RP1L1: variants seen among roughly 807,000 people sequenced by gnomAD.
The protein encoded by RP1L1 is RP1 like 1, also known as retinitis pigmentosa 1-like 1 protein.
Under a neutral mutation model 15.7 loss-of-function variants are expected in RP1L1, and 27 were observed. The ratio of observed to expected loss-of-function variants is 1.72; its 90% confidence interval spans 1.27 to 2.38. The LOEUF (loss-of-function observed/expected upper bound fraction) is 2.38. Among genes scored for constraint, RP1L1 ranks in the 30% most tolerant of loss-of-function variants. The probability of loss-of-function intolerance (pLI) is 0.00; values close to 1 mark genes in which losing one functional copy is unlikely to be tolerated. For missense variants in RP1L1, 4,798 were observed against 3,075.9 expected (o/e 1.56, Z -13.24); for synonymous variants, 1,813 against 1,276.7 (o/e 1.42, Z -8.96).
Position 10,606,803 on chromosome 8 carries a change from T to C in RP1L1, c.*92A>G, listed in dbSNP as rs993260517. 6.3e-7 allele frequency: 1 copy of C among 1,593,036 alleles called. No individual in the cohort carries two copies. The highest frequency in any genetic ancestry group is 2.2e-4 in the Middle Eastern group (1 of 4,574). On this transcript the variant is annotated 3_prime_UTR_variant, in exon 4 of 4. Coordinates refer to ENST00000382483, the MANE Select transcript of RP1L1 (RefSeq NM_178857.6). ...TCTTTGTCCATGTACTATGGACATC[T>C]CCAGTGGACTGAACGTTGCTCAGTT...
chr8:10,640,874 G>C (rs1005919091), intron 1 of RP1L1, among the ~76,000 whole-genome samples: 1 of 152,032 alleles, frequency 6.6e-6, no homozygotes, highest in African/African-American at 2.4e-5. Context: ...AGGCTGAAGC[G>C]ATCCTCTCAC....
chr8:10,640,813 C>T (rs1168368017), intron 1 of RP1L1, among the ~76,000 whole-genome samples: 1 of 151,970 alleles, frequency 6.6e-6, no homozygotes, highest in Non-Finnish European at 1.5e-5. Flanking sequence ...GTCTGTCGCC[C>T]AAGCTGGAGT....
chr8:10,613,600 C>CAAAAAAAAAA (rs71203341), intron 3 of RP1L1, among the ~76,000 whole-genome samples: 3 of 62,376 alleles, frequency 4.8e-5, no homozygotes, highest in African/African-American at 7.5e-5. Flanking sequence ...ACCATCTCTC[C>CAAAAAAAAAA]AAAAAAAAAA....
rs141128719 is a variant in RP1L1, at chr8:10,608,814, C to A, written c.5284G>T (p.Glu1762Ter). ...TGAGCCATTGCATCTCCCTCTGCCT[C>A]CCCGAGTTTGGGATCTTTGTCTCTG... ...LNRDKDPKLG[E>*]AEGDAMAQER... The change falls in exon 4 of 4, where the codon GAG (glutamate) becomes TAG (stop). Residue 1762 changes from glutamate (E) to a stop codon, truncating the protein, a stop_gained. Coordinates refer to ENST00000382483, the MANE Select transcript of RP1L1 (RefSeq NM_178857.6). LOFTEE classifies it low-confidence loss of function (END_TRUNC). 4 of 1,614,178 alleles carry A rather than the reference C, an allele frequency of 2.5e-6. No individual in the cohort carries two copies. In the South Asian group the frequency reaches 4.4e-5, roughly 18 times the overall value.
At chr8:10,637,793 G>A (rs1053800140) in intron 1 of RP1L1, among the ~76,000 whole-genome samples, 1 of 152,182 alleles carries the variant, frequency 6.6e-6, no homozygotes, top group Non-Finnish European at 1.5e-5. Flanking sequence ...AGAGACGGGG[G>A]AAGTAGGAAG....
At chr8:10,635,895 G>T in intron 1 of RP1L1, among the ~76,000 whole-genome samples, 1 of 152,236 alleles carries the variant, frequency 6.6e-6, no homozygotes. Flanking sequence ...GACACTGGAA[G>T]ATCCCCCGGG....
intron 1 of RP1L1, among the ~76,000 whole-genome samples, chr8:10,638,284 C>T (rs1201201313): frequency 6.6e-6 from 1 of 152,020 alleles, no homozygotes; most frequent in East Asian, 1.9e-4. Flanking sequence ...GAGGTCTGGT[C>T]GAGTAAAAGA....
In RP1L1 at chr8:10,610,956, G is replaced by A. The variant is rs1463359800; in HGVS notation, c.3142C>T (p.Pro1048Ser). ...GCAGGGGCCTCGGAAACTCCCTCTGGAGCTGCCCCTTGGGGGACACCCTCT... is the reference window on the plus strand; with the variant it reads ...GCAGGGGCCTCGGAAACTCCCTCTGAAGCTGCCCCTTGGGGGACACCCTCT... ...SGEGVPQGAA[P>S]EGVSEAPAEA... The change falls in exon 4 of 4, where the codon CCA (proline) becomes TCA (serine). Residue 1048 changes from proline to serine, a missense_variant. Physicochemically the swap from Pro to Ser is moderately conservative, Grantham distance 74 (BLOSUM62 -1). Coordinates refer to ENST00000382483, the MANE Select transcript of RP1L1 (RefSeq NM_178857.6). 1 of 1,612,086 alleles carries A rather than the reference G, an allele frequency of 6.2e-7. No individual in the cohort carries two copies. The highest frequency in any genetic ancestry group is 1.1e-5 in the South Asian group (1 of 90,990).
Position 10,607,213 on chromosome 8 carries a change from T to A in RP1L1, c.6885A>T (p.Gln2295His), listed in dbSNP as rs1195443052. ...ATGCTCTGGAGGAGGAAGGGCCTGT[T>A]TGGGAGCCTGGCCTTTGGTGGGGAG... ...GDTPHQRPGS[Q>H]TGPSSSRASS... The change falls in exon 4 of 4, where the codon CAA becomes CAT. Residue 2295 changes from glutamine to histidine, a missense_variant. Gln to His is a conservative substitution (Grantham distance 24). Coordinates refer to ENST00000382483, the MANE Select transcript of RP1L1 (RefSeq NM_178857.6). The A allele has an allele frequency of 6.2e-7, 1 of 1,614,158 alleles. No homozygotes were observed. The highest frequency in any genetic ancestry group is 1.7e-5 in the Admixed American group (1 of 60,024).
chr8:10,637,096 A>C (rs1399136079), intron 1 of RP1L1, among the ~76,000 whole-genome samples: 1 of 152,210 alleles, frequency 6.6e-6, no homozygotes, highest in South Asian at 2.1e-4. Context: ...TTAGAGAAAA[A>C]GAATGCAAGG....
Position 10,610,999 on chromosome 8 carries a change from G to A in RP1L1, c.3099C>T (p.Asp1033=), listed in dbSNP as rs1002797753. 1 of 1,612,692 alleles carries A rather than the reference G, an allele frequency of 6.2e-7. No homozygotes were observed. Among genetic ancestry groups the A allele is most frequent in the Non-Finnish European group, 8.5e-7 (1 of 1,179,952 alleles). The stretch of plus-strand genomic sequence containing the variant: ...CACCCTCTCCTGATTGGGGACCAGT[G>A]TCACTACTCCCCAGGAGGGCTCCCT... ...EPEGALLGSS[D]TGPQSGEGVP... is the part of the protein sequence containing the mutation. Residue 1033 remains aspartate (D), a synonymous_variant, in exon 4 of 4, where the codon GAC becomes GAT. Transcript: ENST00000382483.
rs1369755362 is a variant in RP1L1 at position 10,607,795 on chromosome 8, T to A, written c.6303A>T (p.Val2101=). ...EGEAQPESEG[V]EAPEAEGEAQ... is the part of the protein sequence containing the mutation. ...CCTCCCCTTCTGCCTCTGGGGCCTC[T>A]ACACCTTCTGATTCTGGCTGGGCCT... Residue 2101 remains valine (V), a synonymous_variant, in exon 4 of 4, where the codon GTA becomes GTT. Coordinates refer to ENST00000382483, the MANE Select transcript of RP1L1 (RefSeq NM_178857.6). 10 of 1,605,752 alleles carry A rather than the reference T, an allele frequency of 6.2e-6. No homozygotes were observed. Among genetic ancestry groups the A allele is most frequent in the Admixed American group, 1.7e-5 (1 of 59,478 alleles).
chr8:10,617,017 G>C (rs1797978715), intron 2 of RP1L1, among the ~76,000 whole-genome samples: 1 of 152,170 alleles, frequency 6.6e-6, no homozygotes, highest in African/African-American at 2.4e-5. Flanking sequence ...GAGACTCTGT[G>C]CTGCCTAATC....
Position 10,612,118 on chromosome 8 carries a change from G to A in RP1L1, c.1980C>T (p.Ala660=), listed in dbSNP as rs748540099. The change falls in exon 4 of 4, where the codon GCC becomes GCT. Residue 660 remains alanine, a synonymous_variant. Coordinates refer to ENST00000382483, the MANE Select transcript of RP1L1 (RefSeq NM_178857.6). ...GAGAATGCCTGGGATGGCCTCTCGG[G>A]GCCACTCGGCCAAGGCCAGGGCTGC... ...SPSSPGLGRV[A]PRGHPRHSHY... 3.8e-5 allele frequency: 61 copies of A among 1,613,598 alleles called. 1 individual carries two copies. Among genetic ancestry groups the A allele is most frequent in the Non-Finnish European group, 2.3e-5 (27 of 1,180,044 alleles).
At chr8:10,614,959 G>T (rs987948340) in intron 3 of RP1L1, among the ~76,000 whole-genome samples, 7 of 151,650 alleles carry the variant, frequency 4.6e-5, no homozygotes, top group African/African-American at 1.2e-4. Flanking sequence ...TCCATCTCCT[G>T]AGCCAACATG....
chr8:10,615,856 T>A (rs1035922205), intron 3 of RP1L1, among the ~76,000 whole-genome samples: 6 of 152,154 alleles, frequency 3.9e-5, no homozygotes, highest in Non-Finnish European at 7.4e-5. Flanking sequence ...TAATAAAATT[T>A]ATTTTAGATT....
At chr8:10,613,600 C>CAAAAAAA (rs71203341) in intron 3 of RP1L1, among the ~76,000 whole-genome samples, 1 of 62,358 alleles carries the variant, frequency 1.6e-5, no homozygotes, top group African/African-American at 7.5e-5. Context: ...ACCATCTCTC[C>CAAAAAAA]AAAAAAAAAA....
chr8:10,609,036 C>T lies in RP1L1; in HGVS notation c.5062G>A (p.Asp1688Asn), dbSNP rs1410901408. 1.2e-6 allele frequency: 2 copies of T among 1,613,694 alleles called. No individual in the cohort carries two copies. Among genetic ancestry groups the T allele is most frequent in the Admixed American group, 1.7e-5 (1 of 59,996 alleles). The change falls in exon 4 of 4, where the codon GAC (aspartate) becomes AAC (asparagine). Residue 1688 changes from aspartate to asparagine, a missense_variant. By Grantham distance (23) the Asp-to-Asn change is conservative (BLOSUM62 1). Coordinates refer to ENST00000382483, the MANE Select transcript of RP1L1 (RefSeq NM_178857.6). ...ATRGPIKEAF[D>N]LQQILQRKRG... ...TTCCTCTGCAGAATCTGCTGCAGGT[C>T]AAAGGCCTCTTTGATGGGACCTCTG... is the stretch of plus-strand genomic sequence containing the variant.
chr8:10,631,393 ACACG>A (rs1339322622), intron 1 of RP1L1, among the ~76,000 whole-genome samples: 1 of 146,462 alleles, frequency 6.8e-6, no homozygotes, highest in South Asian at 2.2e-4. Context: ...ACATGCACAC[ACACG>A]CACACACACG....
Sources: allele counts gnomAD v4.1 joint callset (sites outside exome capture counted in the v4.1 genomes callset), GRCh38; gene constraint gnomAD v4.1.1; transcripts MANE v1.5; gene names NCBI Gene and HGNC (gene_info 2026-07-23, HGNC 2026-07-21).